The following CFAP20DC variants were observed in gnomAD, a reference collection of about 807,000 sequenced individuals.
CFAP20DC encodes protein CFAP20DC.
In CFAP20DC, 84 loss-of-function variants were observed where a neutral mutation model predicts 101.7. The ratio of observed to expected loss-of-function variants is 0.83; its 90% CI spans 0.69 to 0.99. CFAP20DC has a LOEUF of 0.99. Ranked by LOEUF, CFAP20DC falls within the 50% of genes least tolerant of loss-of-function variation. CFAP20DC has a pLI of 0.00. For missense variants in CFAP20DC, 1,007 were observed against 970.3 expected (o/e 1.04, Z -0.50); for synonymous variants, 359 against 351.2 (o/e 1.02, Z -0.25).
intron 4 of CFAP20DC, among the ~76,000 whole-genome samples, chr3:58,959,863 C>T (rs60995945): frequency 0.095 from 14,392 of 152,172 alleles, 2,231 homozygotes; most frequent in African/African-American, 0.32. Context: ...CTTAACAATA[C>T]TGAATCTTCC....
intron 13 of CFAP20DC, among the ~76,000 whole-genome samples, chr3:58,835,637 G>A (rs1388557718): frequency 6.6e-6 from 1 of 152,068 alleles, no homozygotes; most frequent in Non-Finnish European, 1.5e-5. Context: ...ACCCTGGAAG[G>A]GGCAGCCAAA....
At chr3:59,042,715 A>G (rs1020708737) in intron 3 of CFAP20DC, among the ~76,000 whole-genome samples, 6 of 152,134 alleles carry the variant, frequency 3.9e-5, no homozygotes, top group Non-Finnish European at 7.4e-5. Context: ...TCTGGCTGCT[A>G]ATTTGACAAT....
chr3:58,960,753 A>T (rs990315321), intron 4 of CFAP20DC, among the ~76,000 whole-genome samples: 9 of 152,280 alleles, frequency 5.9e-5, no homozygotes, highest in Middle Eastern at 3.4e-3. Flanking sequence ...TGCAATAAGG[A>T]TGACTTATAA....
chr3:58,718,581 G>A (rs1455902108), intron 3 of CFAP20DC, among the ~76,000 whole-genome samples: 1 of 152,192 alleles, frequency 6.6e-6, no homozygotes, highest in Non-Finnish European at 1.5e-5. Context: ...CCCTTGTCCT[G>A]CGGGCACTGC....
chr3:58,835,217 T>C (rs903273825), intron 13 of CFAP20DC, among the ~76,000 whole-genome samples: 3 of 152,152 alleles, frequency 2.0e-5, no homozygotes, highest in Non-Finnish European at 4.4e-5. Context: ...AGAGGTATTA[T>C]ATAACTGGAA....
intron 5 of CFAP20DC, among the ~76,000 whole-genome samples, chr3:58,933,448 C>T (rs2087022848): frequency 6.6e-6 from 1 of 151,974 alleles, no homozygotes; most frequent in African/African-American, 2.4e-5. Flanking sequence ...GAACTCTCCA[C>T]CCCAAATCAA....
At chr3:58,801,763 C>T (rs1575677791) in intron 15 of CFAP20DC, among the ~76,000 whole-genome samples, 2 of 152,300 alleles carry the variant, frequency 1.3e-5, no homozygotes, top group East Asian at 3.9e-4. Flanking sequence ...TTGTCAAAGA[C>T]TGCAGGGCTT....
intron 4 of CFAP20DC, among the ~76,000 whole-genome samples, chr3:59,029,178 T>A (rs930551328): frequency 2.0e-5 from 3 of 152,188 alleles, no homozygotes; most frequent in African/African-American, 7.2e-5. Context: ...TCCGCCCGTA[T>A]GTCCGTATTT....
At chr3:58,816,104 C>A (rs557847403) in intron 14 of CFAP20DC, among the ~76,000 whole-genome samples, 1 of 151,670 alleles carries the variant, frequency 6.6e-6, no homozygotes, top group African/African-American at 2.4e-5. Context: ...AGACTGGGAA[C>A]CAACCCAAAT....
chr3:59,028,451 T>C lies in CFAP20DC; in HGVS notation c.278+11106A>G, dbSNP rs537680266. 5.3e-5 allele frequency among the ~76,000 whole-genome samples: 8 copies of C among 152,336 alleles called. No individual in the cohort carries two copies. In the East Asian group the frequency reaches 1.3e-3, roughly 26 times the overall value. On this transcript the variant is annotated intron_variant, in intron 4 of 16. Transcript: ENST00000482387. ...CTGAAACTCTACAGACAAAACTGTC[T>C]TATGAGAAGCCTCTTGAGAAGATAT...
intron 14 of CFAP20DC, 118 bp downstream of exon 14, chr3:58,831,568 T>C (rs2108049011): frequency 1.4e-6 from 1 of 727,434 alleles, no homozygotes; most frequent in East Asian, 2.7e-5. Context: ...CTCTGATTAT[T>C]TCTCATAGGG....
intron 14 of CFAP20DC, among the ~76,000 whole-genome samples, chr3:58,807,546 C>T (rs2074202919): frequency 6.6e-6 from 1 of 152,144 alleles, no homozygotes; most frequent in African/African-American, 2.4e-5. Context: ...GAAAGGACAT[C>T]CATACCAAAA....
intron 7 of CFAP20DC, among the ~76,000 whole-genome samples, chr3:58,880,050 G>A (rs2081109110): frequency 6.6e-6 from 1 of 151,796 alleles, no homozygotes; most frequent in Non-Finnish European, 1.5e-5. Context: ...ATACAGAAGA[G>A]TATAAAGAAG....
rs147029947 is a variant in CFAP20DC at position 58,893,564 on chromosome 3, T to A, written c.551-8855A>T. 7.0e-3 allele frequency among the ~76,000 whole-genome samples: 1,061 copies of A among 152,318 alleles called. 14 individuals carry two copies. Among genetic ancestry groups the A allele is most frequent in the African/African-American group, 0.024 (1,013 of 41,582 alleles). On this transcript the variant is annotated intron_variant, in intron 6 of 16. Transcript: ENST00000482387. The stretch of plus-strand genomic sequence containing the variant: ...CAATATTTTTGTGAAGATTTTTGCA[T>A]CAATGTTCATCAAGGATATTGGCCT...
At chr3:58,929,030 T>C (rs1351580382) in intron 5 of CFAP20DC, among the ~76,000 whole-genome samples, 1 of 152,208 alleles carries the variant, frequency 6.6e-6, no homozygotes, top group African/African-American at 2.4e-5. Context: ...TTATAGCTCC[T>C]TTCTTTATAG....
intron 7 of CFAP20DC, among the ~76,000 whole-genome samples, chr3:58,871,930 C>T (rs1302220764): frequency 1.3e-5 from 2 of 152,126 alleles, no homozygotes; most frequent in Non-Finnish European, 2.9e-5. Flanking sequence ...TCCCTCGCCT[C>T]CTGACTAGAT....
chr3:58,823,426 C>T (rs1433021474), intron 14 of CFAP20DC, among the ~76,000 whole-genome samples: 1 of 152,130 alleles, frequency 6.6e-6, no homozygotes, highest in East Asian at 1.9e-4. Flanking sequence ...CCAGTATCTA[C>T]AATGAACTAC....
chr3:58,846,940 G>T (rs1337576889), intron 13 of CFAP20DC, among the ~76,000 whole-genome samples: 1 of 148,828 alleles, frequency 6.7e-6, no homozygotes, highest in South Asian at 2.2e-4. Context: ...AATAAATGGT[G>T]CTGGGAAAAC....
chr3:58,915,483 T>A (rs2084590871), intron 5 of CFAP20DC, among the ~76,000 whole-genome samples: 1 of 152,120 alleles, frequency 6.6e-6, no homozygotes, highest in Non-Finnish European at 1.5e-5. Flanking sequence ...ACCATTCAGC[T>A]GGTTCATCAG....
Sources: allele counts gnomAD v4.1 joint callset (sites outside exome capture counted in the v4.1 genomes callset), GRCh38; gene constraint gnomAD v4.1.1; transcripts MANE v1.5; gene names NCBI Gene and HGNC (gene_info 2026-07-23, HGNC 2026-07-21).